CAMKMT: variants seen among roughly 807,000 people sequenced by gnomAD.
CAMKMT encodes CaM KMT.
Under a neutral mutation model 48.0 loss-of-function variants are expected in CAMKMT, and 53 were observed. The ratio of observed to expected loss-of-function variants is 1.10; its 90% CI spans 0.89 to 1.39. CAMKMT has a LOEUF of 1.39. Ranked by LOEUF, CAMKMT falls within the 40% of genes most tolerant of loss-of-function variation. The pLI, the probability that CAMKMT is intolerant of heterozygous loss-of-function variation, is 0.00. For missense variants in CAMKMT, 428 were observed against 402.7 expected, an observed-to-expected ratio of 1.06 and a Z score of -0.54; for synonymous variants, 165 against 152.3, an observed-to-expected ratio of 1.08 and a Z score of -0.61.
chr2:44,403,326 A>G (rs1682558440), intron 3 of CAMKMT, among the ~76,000 whole-genome samples: 1 of 152,042 alleles, frequency 6.6e-6, no homozygotes, highest in Admixed American at 6.6e-5. Flanking sequence ...CTTCCTTACC[A>G]CCACCCTCCT....
intron 3 of CAMKMT, among the ~76,000 whole-genome samples, chr2:44,435,343 A>C (rs1666166528): frequency 6.6e-6 from 1 of 151,694 alleles, no homozygotes; most frequent in South Asian, 2.1e-4. Context: ...GCACGCATCC[A>C]AAAAAAAATT....
At chr2:44,424,047 A>G (rs1684105967) in intron 3 of CAMKMT, among the ~76,000 whole-genome samples, 1 of 152,160 alleles carries the variant, frequency 6.6e-6, no homozygotes, top group Non-Finnish European at 1.5e-5. Flanking sequence ...GAACTATGCA[A>G]ATTACATTCA....
At chr2:44,432,465 A>G (rs554456159) in intron 3 of CAMKMT, among the ~76,000 whole-genome samples, 3 of 152,222 alleles carry the variant, frequency 2.0e-5, no homozygotes, top group Admixed American at 1.3e-4. Context: ...CCTGGGTCTC[A>G]GAAGAGAATA....
chr2:44,478,634 C>T (rs796935516), intron 3 of CAMKMT, among the ~76,000 whole-genome samples: 2 of 151,514 alleles, frequency 1.3e-5, no homozygotes, highest in African/African-American at 4.8e-5. Flanking sequence ...TGGAATAAAA[C>T]CAAAGGGAAG....
chr2:44,647,741 TAA>T (rs528148594), intron 3 of CAMKMT, among the ~76,000 whole-genome samples: 1 of 151,022 alleles, frequency 6.6e-6, no homozygotes, highest in South Asian at 2.1e-4. Context: ...CCGTCTCTAC[TAA>T]AAAAATACAA....
chr2:44,449,478 TTA>T (rs1376596759), intron 3 of CAMKMT, among the ~76,000 whole-genome samples: 2 of 152,176 alleles, frequency 1.3e-5, no homozygotes, highest in East Asian at 1.9e-4. Flanking sequence ...TTTCGGTTTT[TTA>T]TATCTCAGTA....
At chr2:44,605,708 C>T (rs1262438875) in intron 3 of CAMKMT, among the ~76,000 whole-genome samples, 1 of 152,060 alleles carries the variant, frequency 6.6e-6, no homozygotes, top group Non-Finnish European at 1.5e-5. Context: ...GTCTCATGGG[C>T]AGTGATTGCG....
intron 3 of CAMKMT, among the ~76,000 whole-genome samples, chr2:44,578,271 T>C (rs1262506748): frequency 1.3e-5 from 2 of 152,216 alleles, no homozygotes; most frequent in Admixed American, 1.3e-4. Context: ...AGACCATTTA[T>C]TAAAGAAAAT....
chr2:44,752,863 C>A (rs1297919926), intron 8 of CAMKMT, among the ~76,000 whole-genome samples: 1 of 152,210 alleles, frequency 6.6e-6, no homozygotes, highest in African/African-American at 2.4e-5. Context: ...GTCTCCAACA[C>A]ATGAATTTGG....
intron 3 of CAMKMT, chr2:44,395,063 T>C: frequency 2.3e-6 from 1 of 435,814 alleles, no homozygotes; most frequent in Non-Finnish European, 4.6e-6. Context: ...GTTTTCACTT[T>C]TTACTTGTAT....
chr2:44,702,925 T>A (rs943052358), intron 3 of CAMKMT, among the ~76,000 whole-genome samples: 2 of 152,186 alleles, frequency 1.3e-5, no homozygotes, highest in Non-Finnish European at 2.9e-5. Flanking sequence ...TCCTCAAAGT[T>A]GGAGGTTCAT....
chr2:44,429,819 A>G (rs1192807479), intron 3 of CAMKMT, among the ~76,000 whole-genome samples: 4 of 150,750 alleles, frequency 2.7e-5, no homozygotes, highest in Non-Finnish European at 4.4e-5. Context: ...AAAAAAAAAA[A>G]AAAAAAAAAA....
chr2:44,525,499 C>A (rs573440455), intron 3 of CAMKMT, among the ~76,000 whole-genome samples: 105 of 152,300 alleles, frequency 6.9e-4, no homozygotes, highest in African/African-American at 2.4e-3. Context: ...CGTGATCCAC[C>A]CTCCTCGGCC....
chr2:44,583,757 C>G (rs1381399287), intron 3 of CAMKMT, among the ~76,000 whole-genome samples: 1 of 151,966 alleles, frequency 6.6e-6, no homozygotes, highest in Non-Finnish European at 1.5e-5. Flanking sequence ...GTTTGAGCCA[C>G]AGCACCGCAT....
Position 44,452,721 on chromosome 2 carries a change from G to A in CAMKMT, c.376+62416G>A, listed in dbSNP as rs79676786. Among the ~76,000 whole-genome samples, 350 of 152,044 alleles carry A rather than the reference G, an allele frequency of 2.3e-3. 3 individuals are homozygous for A. Among genetic ancestry groups the A allele is most frequent in the African/African-American group, 8.2e-3 (342 of 41,518 alleles). ...TTATAATCTGTATTTACATGAGTGT[G>A]CAAGTAGCCTCTCTTTATTAATGAA... On this transcript the variant is annotated intron_variant, in intron 3 of 10. Transcript: ENST00000378494.
intron 3 of CAMKMT, among the ~76,000 whole-genome samples, chr2:44,598,936 G>A (rs1670827056): frequency 6.6e-6 from 1 of 151,746 alleles, no homozygotes; most frequent in South Asian, 2.1e-4. Context: ...ACACGTGTCG[G>A]TAAAAAGCTG....
At chr2:44,578,190 T>C (rs747064479) in intron 3 of CAMKMT, among the ~76,000 whole-genome samples, 2 of 152,188 alleles carry the variant, frequency 1.3e-5, no homozygotes, top group African/African-American at 4.8e-5. Context: ...ATAGGAATAA[T>C]GGTTGAGGGT....
chr2:44,736,991 T>C (rs1465318768), intron 7 of CAMKMT, among the ~76,000 whole-genome samples: 1 of 152,212 alleles, frequency 6.6e-6, no homozygotes, highest in Non-Finnish European at 1.5e-5. Context: ...TTGATTTGTC[T>C]TGTCATTATG....
At position 44,549,414 on chromosome 2, in the gene CAMKMT, G is replaced by T. The variant is rs1248362410; in HGVS notation, c.377-154869G>T. 4 of 586,372 alleles carry T rather than the reference G, an allele frequency of 6.8e-6. No homozygotes were observed. In the African/African-American group the frequency reaches 7.7e-5, roughly 11 times the overall value. 36.3% of individuals were successfully genotyped at this position (586,372 alleles called of 1,614,324 possible). A position where few individuals can be genotyped will look rare whatever the true frequency, so the allele number is the denominator to read the frequency against. On this transcript the variant is annotated intron_variant, in intron 3 of 10. Coordinates refer to ENST00000378494, the MANE Select transcript of CAMKMT (RefSeq NM_024766.5). ...GTGACAAACATAATTCACCCCAAGGGAAGAGAAGAACCTCTCTCACACAGC... is the reference window on the plus strand; with the variant it reads ...GTGACAAACATAATTCACCCCAAGGTAAGAGAAGAACCTCTCTCACACAGC...
Sources: gnomAD v4.1 joint callset for allele counts (sites outside exome capture counted in the v4.1 genomes callset) on GRCh38, gnomAD v4.1.1 for gene constraint, MANE v1.5 for transcripts, NCBI Gene and HGNC (gene_info 2026-07-23, HGNC 2026-07-21) for gene names.